The following MTHFD1 variants were observed in gnomAD, a reference collection of about 807,000 sequenced individuals.
The protein encoded by MTHFD1 is C-1-tetrahydrofolate synthase, cytoplasmic.
A neutral mutation model predicts 110.3 loss-of-function variants in MTHFD1; 44 were observed. That is an observed-to-expected ratio of 0.40 (90% CI 0.31 to 0.51). The LOEUF is 0.51. Ranked by LOEUF, MTHFD1 falls within the 20% of genes least tolerant of loss-of-function variation. The pLI, the probability that MTHFD1 is intolerant of heterozygous loss-of-function variation, is 0.60. For missense variants in MTHFD1, 909 were observed against 1,173.1 expected (o/e 0.77, Z 3.29); for synonymous variants, 402 against 428.8 (o/e 0.94, Z 0.77).
chr14:64,426,414 G>A (rs1366670954), intron 11 of MTHFD1, among the ~76,000 whole-genome samples: 1 of 152,168 alleles, frequency 6.6e-6, no homozygotes, highest in Admixed American at 6.5e-5. Context: ...CATCTAGTAA[G>A]TGGAAGAGTT....
At chr14:64,446,219 C>T (rs1230234352) in intron 22 of MTHFD1, among the ~76,000 whole-genome samples, 2 of 152,140 alleles carry the variant, frequency 1.3e-5, no homozygotes, top group Non-Finnish European at 2.9e-5. Context: ...TATTTCTCGA[C>T]ATTTAAAAAT....
chr14:64,447,404 T>G (rs2078299540), intron 22 of MTHFD1, among the ~76,000 whole-genome samples: 1 of 151,342 alleles, frequency 6.6e-6, no homozygotes, highest in South Asian at 2.1e-4. Context: ...TCCACCTGCC[T>G]CGGCCCCCCA....
At position 64,433,504 on chromosome 14, in the gene MTHFD1, A is replaced by C. The variant is rs80113153; in HGVS notation, c.1494+1643A>C. On this transcript the variant is annotated intron_variant, in intron 15 of 27. Transcript: ENST00000652337. ...GCAATCACATCTTACTACAGCCTCA[A>C]CCTCCAGGACTCAAGTGATTCTCCC... is the stretch of plus-strand genomic sequence containing the variant. Among the ~76,000 whole-genome samples, 1,396 of 151,944 alleles carry C rather than the reference A, an allele frequency of 9.2e-3. 17 individuals are homozygous for C. Among genetic ancestry groups the C allele is most frequent in the African/African-American group, 0.033 (1,347 of 41,424 alleles).
intron 3 of MTHFD1, among the ~76,000 whole-genome samples, chr14:64,411,837 G>C (rs934692493): frequency 6.6e-6 from 1 of 152,140 alleles, no homozygotes; most frequent in African/African-American, 2.4e-5. Flanking sequence ...GGAGGCGGAG[G>C]TTGTGGTGAG....
At chr14:64,395,504 A>G (rs899736050) in intron 1 of MTHFD1, among the ~76,000 whole-genome samples, 1 of 152,164 alleles carries the variant, frequency 6.6e-6, no homozygotes, top group Non-Finnish European at 1.5e-5. Context: ...AGGACTCCGA[A>G]GGTTCTTTCC....
chr14:64,442,091 A>T lies in MTHFD1; in HGVS notation c.1922A>T (p.Asn641Ile). The change falls in exon 20 of 28, where the codon AAC (asparagine) becomes ATC (isoleucine). Residue 641 changes from asparagine to isoleucine, a missense_variant. Physicochemically the swap from Asn to Ile is moderately radical, Grantham distance 149. Around this residue, in one of 3 missense-constraint regions of MTHFD1, gnomAD observed 482 missense variants for 646.0 expected, o/e 0.75. Transcript: ENST00000652337. ...PVFVHAGPFA[N>I]IAHGNSSIIA... ...TTTGTCCATGCTGGCCCGTTTGCCA[A>T]CATCGCACATGGCAATTCCTCCATC... The T allele has an allele frequency of 1.9e-6, 3 of 1,614,190 alleles. No homozygotes were observed. The highest frequency in any genetic ancestry group is 2.5e-6 in the Non-Finnish European group (3 of 1,180,024).
chr14:64,419,875 G>A lies in MTHFD1; in HGVS notation c.677G>A (p.Trp226Ter), dbSNP rs753965584. 1.2e-6 allele frequency: 2 copies of A among 1,614,000 alleles called. No homozygotes were observed. The highest frequency in any genetic ancestry group is 2.7e-5 in the African/African-American group (2 of 74,912). ...CAGCCTGAAATGGTTAAAGGGGAGT[G>A]GATCAAACCTGGGGCAATAGTCATC... ...TGQPEMVKGE[W>*]IKPGAIVIDC... Residue 226 changes from tryptophan (W) to a stop codon, truncating the protein, a stop_gained, in exon 8 of 28, where the codon TGG (tryptophan) becomes TAG (stop). Coordinates refer to ENST00000652337, the MANE Select transcript of MTHFD1 (RefSeq NM_005956.4). LOFTEE classifies it high-confidence loss of function.
intron 11 of MTHFD1, among the ~76,000 whole-genome samples, chr14:64,427,065 T>C (rs1029660091): frequency 6.6e-6 from 1 of 152,118 alleles, no homozygotes; most frequent in African/African-American, 2.4e-5. Context: ...TTTCTTTTTT[T>C]TTCTTTAAGA....
chr14:64,420,672 C>G (rs928304973), intron 8 of MTHFD1, among the ~76,000 whole-genome samples: 1 of 152,108 alleles, frequency 6.6e-6, no homozygotes, highest in African/African-American at 2.4e-5. Flanking sequence ...TCAGATCTAT[C>G]CCCGTGCTCT....
intron 1 of MTHFD1, among the ~76,000 whole-genome samples, chr14:64,391,297 TG>T (rs559894460): frequency 6.6e-6 from 1 of 152,160 alleles, no homozygotes; most frequent in Non-Finnish European, 1.5e-5. Flanking sequence ...CCCAGGTAGC[TG>T]GGACTACGGG....
Position 64,459,980 on chromosome 14 carries a change from C to T in MTHFD1, c.*226C>T, listed in dbSNP as rs1189774781. The T allele has an allele frequency of 2.7e-6, 4 of 1,472,280 alleles. No homozygotes were observed. The highest frequency in any genetic ancestry group is 1.2e-5 in the South Asian group (1 of 81,474). 91.2% of individuals were successfully genotyped at this position (1,472,280 alleles called of 1,614,324 possible). ...GTCTGTTTACTTTAGTGACGTTCCA[C>T]AGAATAAAAGGAAACAAGTTTGCCA... On this transcript the variant is annotated 3_prime_UTR_variant, in exon 28 of 28. Coordinates refer to ENST00000652337, the MANE Select transcript of MTHFD1 (RefSeq NM_005956.4).
intron 2 of MTHFD1, among the ~76,000 whole-genome samples, chr14:64,407,247 C>T (rs949687373): frequency 1.7e-4 from 26 of 152,206 alleles, no homozygotes; most frequent in Admixed American, 5.2e-4. Context: ...GAGTGGATTG[C>T]TTGAGCCCAG....
chr14:64,436,789 G>A (rs2078209425), intron 16 of MTHFD1, among the ~76,000 whole-genome samples: 1 of 152,120 alleles, frequency 6.6e-6, no homozygotes, highest in South Asian at 2.1e-4. Context: ...ATTTTATAAG[G>A]AATAAGCTAA....
intron 12 of MTHFD1, among the ~76,000 whole-genome samples, chr14:64,429,780 C>A (rs746878207): frequency 3.9e-5 from 6 of 152,150 alleles, no homozygotes; most frequent in Non-Finnish European, 7.3e-5. Flanking sequence ...ACAGCCTAAT[C>A]TATTTATCTC....
chr14:64,441,509 G>A (rs1158906603), intron 19 of MTHFD1, 56 bp downstream of exon 19: 7 of 1,568,050 alleles, frequency 4.5e-6, no homozygotes, highest in South Asian at 1.1e-5. Flanking sequence ...AGAGCAGAGT[G>A]GTTATAAAGC....
chr14:64,435,364 C>T (rs983728820), intron 15 of MTHFD1, among the ~76,000 whole-genome samples: 3 of 152,092 alleles, frequency 2.0e-5, no homozygotes, highest in Non-Finnish European at 4.4e-5. Flanking sequence ...TAAACTCAAC[C>T]TACTTGGAGA....
intron 1 of MTHFD1, among the ~76,000 whole-genome samples, chr14:64,398,572 T>C (rs1394017373): frequency 6.6e-6 from 1 of 152,064 alleles, no homozygotes; most frequent in Non-Finnish European, 1.5e-5. Context: ...TAAATAAAAA[T>C]CAAAATAAAT....
intron 27 of MTHFD1, 146 bp downstream of exon 27, chr14:64,458,453 G>T: frequency 1.4e-6 from 1 of 706,346 alleles, no homozygotes; most frequent in Non-Finnish European, 2.6e-6. Flanking sequence ...AGAGGGGATA[G>T]TAATGAGAGT....
At chr14:64,435,703 T>C (rs1596549697) in intron 16 of MTHFD1, 32 bp downstream of exon 16, 4 of 1,268,838 alleles carry the variant, frequency 3.2e-6, no homozygotes, top group Non-Finnish European at 4.6e-6. Flanking sequence ...CCCGTTTGTT[T>C]TGGCTATATT....
Sources: gnomAD v4.1 joint callset for allele counts (sites outside exome capture counted in the v4.1 genomes callset) on GRCh38, gnomAD v4.1.1 for gene constraint, gnomAD v4.1.1 regional missense constraint, MANE v1.5 for transcripts, NCBI Gene and HGNC (gene_info 2026-07-23, HGNC 2026-07-21) for gene names.